The following TLK1 variants were observed in gnomAD, a reference collection of about 807,000 sequenced individuals.
TLK1 encodes the protein tousled like kinase 1.
In TLK1, 24 loss-of-function variants were observed where a neutral mutation model predicts 105.3. The observed-to-expected ratio is 0.23, with a 90% CI of 0.17 to 0.32. The LOEUF (loss-of-function observed/expected upper bound fraction) is 0.32. TLK1 is among the 10% of genes least tolerant of loss of function. The pLI is 1.00. For synonymous variants in TLK1, 321 were observed against 310.4 expected (o/e 1.03, Z -0.36); for missense variants, 558 against 910.5 (o/e 0.61, Z 4.98).
intron 1 of TLK1, among the ~76,000 whole-genome samples, chr2:171,206,684 T>C (rs1400328465): frequency 6.6e-6 from 1 of 152,180 alleles, no homozygotes; most frequent in Admixed American, 6.5e-5. Flanking sequence ...CTAAAATCTA[T>C]GTAAAAGTGT....
intron 3 of TLK1, among the ~76,000 whole-genome samples, chr2:171,065,155 A>G (rs1687930321): frequency 1.3e-5 from 2 of 152,188 alleles, no homozygotes; most frequent in Admixed American, 1.3e-4. Context: ...ACAGATAACC[A>G]CCTGTATAAG....
intron 18 of TLK1, 79 bp downstream of exon 18, chr2:171,006,068 T>TA (rs370131370): frequency 0.17 from 173,993 of 1,007,470 alleles, 5,107 homozygotes; most frequent in African/African-American, 0.39. Flanking sequence ...TACATGGAAA[T>TA]AAAAAAAAAA....
At chr2:171,112,927 T>C (rs1016716145) in intron 2 of TLK1, among the ~76,000 whole-genome samples, 2 of 152,180 alleles carry the variant, frequency 1.3e-5, no homozygotes, top group African/African-American at 4.8e-5. Flanking sequence ...ACAAAGATGC[T>C]AGTAGTCCCT....
At chr2:171,093,541 A>G (rs1689328920) in intron 2 of TLK1, among the ~76,000 whole-genome samples, 1 of 152,194 alleles carries the variant, frequency 6.6e-6, no homozygotes, top group Non-Finnish European at 1.5e-5. Flanking sequence ...AGGCTGTTCA[A>G]AGTACAATGT....
At chr2:171,075,796 T>C (rs984007356) in intron 3 of TLK1, among the ~76,000 whole-genome samples, 1 of 152,208 alleles carries the variant, frequency 6.6e-6, no homozygotes, top group African/African-American at 2.4e-5. Flanking sequence ...AGCTAGAAGA[T>C]ACATAATCTA....
chr2:171,178,252 C>T (rs1306543003), intron 1 of TLK1, among the ~76,000 whole-genome samples: 1 of 152,152 alleles, frequency 6.6e-6, no homozygotes, highest in Admixed American at 6.5e-5. Flanking sequence ...GATTAGGGAG[C>T]TTGTCCAAGG....
chr2:171,086,575 G>A (rs541885015), intron 2 of TLK1, among the ~76,000 whole-genome samples: 5 of 150,712 alleles, frequency 3.3e-5, no homozygotes, highest in Non-Finnish European at 5.9e-5. Context: ...AAAGTGAGCA[G>A]AGATCGCACC....
chr2:171,119,513 T>C (rs1345126424), intron 1 of TLK1, among the ~76,000 whole-genome samples: 1 of 152,238 alleles, frequency 6.6e-6, no homozygotes, highest in African/African-American at 2.4e-5. Context: ...ACTTAAAATC[T>C]ACTGAAGTTT....
chr2:171,035,442 G>A (rs945244785), intron 11 of TLK1, among the ~76,000 whole-genome samples: 6 of 152,046 alleles, frequency 3.9e-5, no homozygotes, highest in Admixed American at 1.3e-4. Flanking sequence ...ATGATTATGA[G>A]GCCTCCCCAA....
chr2:171,216,869 A>G (rs1693723558), intron 1 of TLK1, among the ~76,000 whole-genome samples: 1 of 152,240 alleles, frequency 6.6e-6, no homozygotes, highest in South Asian at 2.1e-4. Context: ...CCAGCGAACC[A>G]TCAGAAGCTG....
intron 4 of TLK1, among the ~76,000 whole-genome samples, chr2:171,059,509 G>C (rs995550158): frequency 6.6e-6 from 1 of 152,044 alleles, no homozygotes; most frequent in African/African-American, 2.4e-5. Flanking sequence ...TCCATTTCCA[G>C]GTTCAAAGAT....
chr2:171,023,046 G>GT (rs1685601523), intron 12 of TLK1: 1 of 470,946 alleles, frequency 2.1e-6, no homozygotes, highest in Admixed American at 2.4e-5. Flanking sequence ...GCTGCTGCCT[G>GT]TTACTGGTTG....
chr2:170,997,417 G>T (rs754878349), intron 19 of TLK1, among the ~76,000 whole-genome samples: 2 of 152,122 alleles, frequency 1.3e-5, no homozygotes, highest in Non-Finnish European at 1.5e-5. Flanking sequence ...GTGAATGGTG[G>T]ATAATGAAAA....
At position 171,049,571 on chromosome 2, in the gene TLK1, T is replaced by C. The variant is rs77016852; in HGVS notation, c.980+243A>G. Among the ~76,000 whole-genome samples the C allele has an allele frequency of 5.4e-4, 82 of 152,316 alleles. 1 individual carries two copies. The East Asian group carries it at 0.015, about 28-fold the overall frequency. Reference sequence around the variant, plus strand: ...ATCATCTGTAAAGCTAAAGGTTCAATTAATATCTCGGAAAGTCAGAATTAG... The same window carrying C: ...ATCATCTGTAAAGCTAAAGGTTCAACTAATATCTCGGAAAGTCAGAATTAG... On this transcript the variant is annotated intron_variant, in intron 10 of 20. Coordinates refer to ENST00000431350, the MANE Select transcript of TLK1 (RefSeq NM_012290.5).
Position 171,187,476 on chromosome 2 carries a change from T to G in TLK1, c.-6+43669A>C, listed in dbSNP as rs184612218. Reference sequence around the variant, plus strand: ...AGTCTATGACAGTTTCACAAGTCCTTCCTAAACTTACTTCTAACTCTAGCT... The same window carrying G: ...AGTCTATGACAGTTTCACAAGTCCTGCCTAAACTTACTTCTAACTCTAGCT... On this transcript the variant is annotated intron_variant, in intron 1 of 20. Transcript: ENST00000521943. 2.4e-3 allele frequency among the ~76,000 whole-genome samples: 360 copies of G among 152,328 alleles called. 6 individuals are homozygous for G. The highest frequency in any genetic ancestry group is 0.021 in the Admixed American group (315 of 15,282).
intron 18 of TLK1, among the ~76,000 whole-genome samples, chr2:170,998,101 C>T (rs892586632): frequency 2.1e-4 from 32 of 151,494 alleles, no homozygotes; most frequent in African/African-American, 6.8e-4. Context: ...TACCTACCTA[C>T]CTACCTACCA....
At chr2:171,198,288 C>A (rs961469654) in intron 1 of TLK1, among the ~76,000 whole-genome samples, 1 of 152,066 alleles carries the variant, frequency 6.6e-6, no homozygotes, top group African/African-American at 2.4e-5. Context: ...AATGTGTAAG[C>A]GCATTTAATA....
chr2:171,049,758 A>G, intron 10 of TLK1, 56 bp downstream of exon 10: 1 of 1,598,010 alleles, frequency 6.3e-7, no homozygotes, highest in Non-Finnish European at 8.5e-7. Context: ...TAATCTTTTA[A>G]AGTAATGAAA....
intron 1 of TLK1, among the ~76,000 whole-genome samples, chr2:171,177,155 T>G (rs186612149): frequency 2.7e-5 from 4 of 147,614 alleles, no homozygotes; most frequent in African/African-American, 1.0e-4. Flanking sequence ...TTTCTTTTCT[T>G]TTTTGAGACA....
Sources: allele counts gnomAD v4.1 joint callset (sites outside exome capture counted in the v4.1 genomes callset), GRCh38; gene constraint gnomAD v4.1.1; transcripts MANE v1.5; gene names NCBI Gene and HGNC (gene_info 2026-07-23, HGNC 2026-07-21).